CCDC120: variants seen among roughly 807,000 people sequenced by gnomAD.
CCDC120 encodes coiled-coil domain-containing protein 120.
Under a neutral mutation model 37.6 loss-of-function variants are expected in CCDC120, and 16 were observed. The observed-to-expected ratio is 0.43, with a 90% confidence interval of 0.29 to 0.65. The LOEUF is 0.65. Among genes scored for constraint, CCDC120 ranks in the 30% least tolerant of loss-of-function variants. CCDC120 has a pLI of 0.18. For synonymous variants in CCDC120, 309 were observed against 275.4 expected (o/e 1.12, Z -1.21); for missense variants, 650 against 657.4 (o/e 0.99, Z 0.12).
At position 49,062,609 on chromosome X, in the gene CCDC120, C is replaced by T. The variant is rs1557079841; in HGVS notation, c.288+8C>T. 8.3e-7 allele frequency: 1 copy of T among 1,206,104 alleles called. No individual in the cohort carries two copies. The highest frequency in any genetic ancestry group is 1.1e-6 in the Non-Finnish European group (1 of 893,717). ...GTGTGTCTCCAGGAGGCGGTGAGGG[C>T]CTGGCCCTAGGGGTATCAGGCGGGG... On this transcript the variant is annotated splice_region_variant and intron_variant, in intron 4 of 10. Transcript: ENST00000603986.
Position 49,067,227 on chromosome X carries a change from G to A in CCDC120, c.1113G>A (p.Met371Ile), listed in dbSNP as rs959820190. Residue 371 changes from methionine (M) to isoleucine (I), a missense_variant, in exon 10 of 11, where the codon ATG (methionine) becomes ATA (isoleucine). This residue lies in a region of CCDC120 where 576 missense variants were observed against 565.3 expected (regional missense o/e 1.02). Transcript: ENST00000603986. The stretch of plus-strand genomic sequence containing the variant: ...GGTCCGGCAGCCAGGACTCCCAGAT[G>A]GGCTTCCCCCGGGCGGACCCTGCCT... Reference protein sequence around the residue: ...RQWSGSQDSQMGFPRADPASD... With the variant: ...RQWSGSQDSQIGFPRADPASD... 8.3e-7 allele frequency: 1 copy of A among 1,211,449 alleles called. No homozygotes were observed. Among genetic ancestry groups the A allele is most frequent in the African/African-American group, 1.7e-5 (1 of 57,818 alleles).
At position 49,068,832 on chromosome X, in the gene CCDC120, T is replaced by A; in HGVS notation, c.*174T>A. 2.6e-6 allele frequency: 1 copy of A among 384,864 alleles called. No individual in the cohort carries two copies. Among genetic ancestry groups the A allele is most frequent in the Non-Finnish European group, 4.0e-6 (1 of 247,830 alleles). The allele number at this position is 384,864 out of a possible 1,213,427, so 31.7% of individuals were successfully genotyped here. A position where few individuals can be genotyped will look rare whatever the true frequency, so the allele number is the denominator to read the frequency against. On this transcript the variant is annotated 3_prime_UTR_variant, in exon 11 of 11. Coordinates refer to ENST00000603986, the MANE Select transcript of CCDC120 (RefSeq NM_001163321.4). Reference sequence around the variant, plus strand: ...CCCAGGAAGGTGTCTGACACCCTGCTTCTTCTCTCACACTGTGCTGGGGAC... The same window carrying A: ...CCCAGGAAGGTGTCTGACACCCTGCATCTTCTCTCACACTGTGCTGGGGAC...
At chrX:49,060,834 C>T (rs991460729) in intron 1 of CCDC120, among the ~76,000 whole-genome samples, 3 of 112,044 alleles carry the variant, frequency 2.7e-5, no homozygotes, top group African/African-American at 9.7e-5. Context: ...AGCTTGGCCT[C>T]ACCCCACAAT....
intron 10 of CCDC120, chrX:49,068,314 T>C (rs1217280997): frequency 9.3e-7 from 1 of 1,072,987 alleles, no homozygotes; most frequent in Non-Finnish European, 1.2e-6. Context: ...TATCAAGTTA[T>C]AGGCTGAAGA....
At position 49,060,427 on chromosome X, in the gene CCDC120, C is replaced by CAAAAAAAAAAAAAAAAAAAAAAAA. The variant is rs58827125; in HGVS notation, c.-84+1337_-84+1360dup. Among the ~76,000 whole-genome samples, 3 of 42,132 alleles carry CAAAAAAAAAAAAAAAAAAAAAAAA rather than the reference C, an allele frequency of 7.1e-5. 1 individual carries two copies. The highest frequency in any genetic ancestry group is 8.1e-4 in the Admixed American group (2 of 2,457). The allele number at this position is 42,132 out of a possible 115,157, so 36.6% of individuals were successfully genotyped here. ...AAGTGACAGAGCCAGGCCCTATCTCCAAAAAAAAAAAAAAAAAAAAAAAAA... is the reference window on the plus strand; with the variant it reads ...AAGTGACAGAGCCAGGCCCTATCTCCAAAAAAAAAAAAAAAAAAAAAAAAAAAAAAAAAAAAAAAAAAAAAAAAA... On this transcript the variant is annotated intron_variant, in intron 1 of 10. Transcript: ENST00000603986.
upstream of CCDC120, among the ~76,000 whole-genome samples, chrX:49,057,204 GCTCTCCCCC>G (rs782802137): frequency 1.8e-5 from 2 of 111,976 alleles, no homozygotes; most frequent in South Asian, 3.7e-4. Flanking sequence ...CCAGTTACCT[GCTCTCCCCC>G]AGTTACCCCC....
At chrX:49,062,387 C>A (rs1174364616) in intron 3 of CCDC120, 62 bp downstream of exon 3, 1 of 1,207,810 alleles carries the variant, frequency 8.3e-7, no homozygotes, top group Non-Finnish European at 1.1e-6. Flanking sequence ...CCTGCTTGCT[C>A]GGGAAGAGTT....
rs2064930395 is a variant in CCDC120 at position 49,064,618 on chromosome X, C to T, written c.678C>T (p.Thr226=). 8.4e-7 allele frequency: 1 copy of T among 1,195,649 alleles called. No individual in the cohort carries two copies. Among genetic ancestry groups the T allele is most frequent in the African/African-American group, 1.7e-5 (1 of 57,606 alleles). ...PLPLSTGSVI[T]TQGVCLGMRL... ...CACTGTCCACGGGGTCAGTGATCAC[C>T]ACCCAGGGAGTCTGCCTGGGCATGC... Residue 226 remains threonine, a synonymous_variant, in exon 6 of 11, where the codon ACC becomes ACT. Transcript: ENST00000603986.
At chrX:49,056,950 C>T (rs1335452460), upstream of CCDC120, among the ~76,000 whole-genome samples, 1 of 111,920 alleles carries the variant, frequency 8.9e-6, no homozygotes, top group African/African-American at 3.3e-5. Flanking sequence ...TCATCGTCCC[C>T]AATTGACAGA....
rs782570114 is a variant in CCDC120 at position 49,063,948 on chromosome X, G to A, written c.376G>A (p.Ala126Thr). Residue 126 changes from alanine to threonine, a missense_variant, in exon 5 of 11, where the codon GCC becomes ACC. By Grantham distance (58) the Ala-to-Thr change is moderately conservative (BLOSUM62 0). Around this residue, in one of 3 missense-constraint regions of CCDC120, gnomAD observed 576 missense variants for 565.3 expected, o/e 1.02. Coordinates refer to ENST00000603986, the MANE Select transcript of CCDC120 (RefSeq NM_001163321.4). ...CCGCCGGCGGCCCCCCACAGCCCGC[G>A]CCTACCCTCCACCGCACCCCAACCA... The part of the protein sequence containing the change: ...LVRRRPPTAR[A>T]YPPPHPNQAH... 8.3e-6 allele frequency: 10 copies of A among 1,206,438 alleles called. No homozygotes were observed. The highest frequency in any genetic ancestry group is 5.3e-5 in the African/African-American group (3 of 56,802).
intron 6 of CCDC120, 82 bp downstream of exon 6, chrX:49,064,746 A>T: frequency 2.9e-6 from 3 of 1,045,792 alleles, no homozygotes; most frequent in Non-Finnish European, 2.5e-6. Flanking sequence ...TGGCCGGTGA[A>T]AACCGGGAGG....
At chrX:49,061,366 G>A (rs782577171) in intron 1 of CCDC120, among the ~76,000 whole-genome samples, 7 of 111,906 alleles carry the variant, frequency 6.3e-5, no homozygotes, top group African/African-American at 9.7e-5. Flanking sequence ...TGGCTCCACC[G>A]CCTCCTCATT....
intron 9 of CCDC120, 64 bp from the exon 10 acceptor site, chrX:49,067,112 G>T: frequency 1.0e-6 from 1 of 1,004,481 alleles, no homozygotes; most frequent in Non-Finnish European, 1.4e-6. Context: ...GGTAGGGAGG[G>T]CACTGCACGC....
At chrX:49,065,254 C>T (rs1557080809) in intron 7 of CCDC120, among the ~76,000 whole-genome samples, 156 bp downstream of exon 7, 1 of 111,979 alleles carries the variant, frequency 8.9e-6, no homozygotes, top group Non-Finnish European at 1.9e-5. Context: ...GCTCCATCTT[C>T]CTATGGGTCC....
chrX:49,068,425 G>T, intron 10 of CCDC120, 119 bp from the exon 11 acceptor site: 1 of 1,049,895 alleles, frequency 9.5e-7, no homozygotes, highest in Non-Finnish European at 1.2e-6. Flanking sequence ...GTGCTGTCCT[G>T]TGCCTGCCTC....
upstream of CCDC120, among the ~76,000 whole-genome samples, chrX:49,056,083 C>G (rs181877394): frequency 3.6e-5 from 4 of 111,630 alleles, no homozygotes; most frequent in Admixed American, 9.5e-5. Flanking sequence ...AAGGAAAGTT[C>G]AAGAATGAGG....
Position 49,068,784 on chromosome X carries a change from C to T in CCDC120, c.*126C>T, listed in dbSNP as rs1040273157. On this transcript the variant is annotated 3_prime_UTR_variant, in exon 11 of 11. Coordinates refer to ENST00000603986, the MANE Select transcript of CCDC120 (RefSeq NM_001163321.4). The stretch of plus-strand genomic sequence containing the variant: ...AGCAGAGTGCGCCAACCTAATCTTC[C>T]AAGGCCCCTGGCTCCCCGTAGGCCC... 1.1e-5 allele frequency: 7 copies of T among 666,597 alleles called. No homozygotes were observed. The highest frequency in any genetic ancestry group is 1.4e-5 in the Non-Finnish European group (7 of 502,741). The allele number at this position is 666,597 out of a possible 1,213,427, so 54.9% of individuals were successfully genotyped here.
rs1287084232 is a variant in CCDC120, at chrX:49,059,278, AG to A, written c.-84+187del. 3 of 709,075 alleles carry A rather than the reference AG, an allele frequency of 4.2e-6. No individual in the cohort carries two copies. The African/African-American group carries it at 7.1e-5, about 17-fold the overall frequency. The allele number at this position is 709,075 out of a possible 1,213,427, so 58.4% of individuals were successfully genotyped here. A position where few individuals can be genotyped will look rare whatever the true frequency, so the allele number is the denominator to read the frequency against. On this transcript the variant is annotated intron_variant, in intron 1 of 10. Transcript: ENST00000603986. ...CAGTGAGAATGGAGGGCCTGAGGAC[AG>A]GGGCAAAGCCCAAAACACCAATTTC...
In CCDC120 at chrX:49,067,382, C is replaced by T. The variant is rs1557081618; in HGVS notation, c.1268C>T (p.Pro423Leu). The T allele has an allele frequency of 8.4e-7, 1 of 1,197,060 alleles. No homozygotes were observed. Among genetic ancestry groups the T allele is most frequent in the Non-Finnish European group, 1.1e-6 (1 of 888,634 alleles). Residue 423 changes from proline to leucine, a missense_variant, in exon 10 of 11, where the codon CCC becomes CTC. Physicochemically the swap from Pro to Leu is moderately conservative, Grantham distance 98. Coordinates refer to ENST00000603986, the MANE Select transcript of CCDC120 (RefSeq NM_001163321.4). The stretch of plus-strand genomic sequence containing the variant: ...CCTCTGGCTCCCTCTGCCTCTGGCC[C>T]CCCAGTCTGCAAGAGCAGTGAGGTG... ...PAPLAPSASGPPVCKSSEVLY... is the reference protein window; with the variant it reads ...PAPLAPSASGLPVCKSSEVLY...
Sources: gnomAD v4.1 joint callset for allele counts (sites outside exome capture counted in the v4.1 genomes callset) on GRCh38, gnomAD v4.1.1 for gene constraint, gnomAD v4.1.1 regional missense constraint, MANE v1.5 for transcripts, NCBI Gene and HGNC (gene_info 2026-07-23, HGNC 2026-07-21) for gene names.